The following RPL31 variants were observed in gnomAD, a reference collection of about 807,000 sequenced individuals.
RPL31 encodes the protein ribosomal protein L31.
For missense variants in RPL31, 95 were observed against 164.0 expected (o/e 0.58, Z 2.30); for synonymous variants, 51 against 55.0 (o/e 0.93, Z 0.32).
In RPL31 at chr2:101,006,735, A is replaced by C. The variant is rs141343330; in HGVS notation, c.*354A>C. On this transcript the variant is annotated 3_prime_UTR_variant, in exon 5 of 5. Coordinates refer to ENST00000264258, the MANE Select transcript of RPL31 (RefSeq NM_000993.5). ...CATTTTAGGAAACAACTTTAAAATGATATACTATCTATCTATCTATCTGTA... is the reference window on the plus strand; with the variant it reads ...CATTTTAGGAAACAACTTTAAAATGCTATACTATCTATCTATCTATCTGTA... The C allele has an allele frequency of 3.2e-4, 73 of 227,082 alleles. 1 individual carries two copies. Among genetic ancestry groups the C allele is most frequent in the Middle Eastern group, 2.9e-3 (2 of 694 alleles). The allele number at this position is 227,082 out of a possible 1,614,324, so 14.1% of individuals were successfully genotyped here.
downstream of RPL31, among the ~76,000 whole-genome samples, chr2:101,012,013 T>G (rs72821050): frequency 0.1 from 15,224 of 152,240 alleles, 912 homozygotes; most frequent in Non-Finnish European, 0.13. Flanking sequence ...CTTTTAAAAG[T>G]TGAAGAAAAG....
intron 4 of RPL31, among the ~76,000 whole-genome samples, chr2:101,012,546 T>TAAAG (rs1006768432): frequency 2.0e-5 from 3 of 151,448 alleles, no homozygotes; most frequent in Non-Finnish European, 2.9e-5. Context: ...TAGTGAGAGC[T>TAAAG]AAAGATATGA....
intron 4 of RPL31, among the ~76,000 whole-genome samples, chr2:101,016,988 A>G (rs1679696570): frequency 6.6e-6 from 1 of 152,028 alleles, no homozygotes; most frequent in Non-Finnish European, 1.5e-5. Flanking sequence ...TGACGAGTTA[A>G]TGGGTGCAGC....
downstream of RPL31, chr2:101,011,468 A>C: frequency 6.2e-7 from 1 of 1,613,936 alleles, no homozygotes; most frequent in South Asian, 1.1e-5. Flanking sequence ...TTTCCCGAAA[A>C]CCAGGGGTCT....
downstream of RPL31, chr2:101,007,887 CTGAT>C (rs1558961554): frequency 6.2e-7 from 1 of 1,613,986 alleles, no homozygotes; most frequent in Non-Finnish European, 8.5e-7. Flanking sequence ...TGAGATTGTA[CTGAT>C]TGATCTTGGC....
downstream of RPL31, chr2:101,008,075 C>T (rs772586060): frequency 6.8e-6 from 11 of 1,613,956 alleles, no homozygotes; most frequent in Admixed American, 1.8e-4. Flanking sequence ...AAAACCGAGT[C>T]CTCAGGAGAA....
downstream of RPL31, chr2:101,010,918 A>G (rs770057771): frequency 6.2e-7 from 1 of 1,606,718 alleles, no homozygotes; most frequent in Admixed American, 1.7e-5. Context: ...TGCACTGAAG[A>G]AAGTCCATAC....
intron 4 of RPL31, chr2:101,018,174 A>G (rs1679793642): frequency 5.0e-6 from 2 of 397,098 alleles, no homozygotes; most frequent in Non-Finnish European, 9.1e-6. Context: ...GTACTAATCT[A>G]TAATTATGTT....
chr2:101,017,951 T>A (rs1006500114), intron 4 of RPL31: 1 of 1,549,724 alleles, frequency 6.5e-7, no homozygotes, highest in African/African-American at 1.4e-5. Context: ...TCTTCTCTAC[T>A]TGGTGAAAAG....
Position 101,004,173 on chromosome 2 carries a change from T to G in RPL31, c.123T>G (p.Arg41=). 6.2e-7 allele frequency: 1 copy of G among 1,613,950 alleles called. No individual in the cohort carries two copies. The highest frequency in any genetic ancestry group is 8.5e-7 in the Non-Finnish European group (1 of 1,179,896). ...KRIHGVGFKK[R]APRALKEIRK... is the part of the protein sequence containing the mutation. The stretch of plus-strand genomic sequence containing the variant: ...TGAATCGTAGGGGCTTCAAGAAGCG[T>G]GCACCTCGGGCACTCAAAGAGATTC... Residue 41 remains arginine (R), a synonymous_variant, in exon 3 of 5, where the codon CGT becomes CGG. Transcript: ENST00000264258.
chr2:101,015,141 C>G (rs1051214107), intron 4 of RPL31, among the ~76,000 whole-genome samples: 2 of 152,168 alleles, frequency 1.3e-5, no homozygotes, highest in African/African-American at 4.8e-5. Context: ...ACCTGTACAG[C>G]ATGTTACTGT....
downstream of RPL31, among the ~76,000 whole-genome samples, chr2:101,010,631 T>TC (rs897776517): frequency 3.9e-5 from 6 of 151,938 alleles, no homozygotes; most frequent in African/African-American, 1.5e-4. Flanking sequence ...AAACCTGTAA[T>TC]CCCAGCACTT....
At chr2:101,017,192 A>AT (rs750602097) in intron 4 of RPL31, among the ~76,000 whole-genome samples, 11 of 152,120 alleles carry the variant, frequency 7.2e-5, no homozygotes, top group Non-Finnish European at 1.3e-4. Flanking sequence ...TTCATGGGCA[A>AT]TAACACACAC....
At chr2:101,004,305 G>C in intron 3 of RPL31, 22 bp downstream of exon 3, 1 of 1,612,492 alleles carries the variant, frequency 6.2e-7, no homozygotes, top group East Asian at 2.2e-5. Flanking sequence ...ATCTGTATTC[G>C]AAGGTGAACT....
downstream of RPL31, chr2:101,011,287 C>G: frequency 1.3e-6 from 1 of 756,138 alleles, no homozygotes; most frequent in Non-Finnish European, 2.1e-6. Flanking sequence ...GCAACACCCC[C>G]ACTAGGAGCA....
intron 4 of RPL31, chr2:101,017,863 TC>T: frequency 6.4e-7 from 1 of 1,550,906 alleles, no homozygotes; most frequent in Non-Finnish European, 8.7e-7. Flanking sequence ...AATTAGGTCT[TC>T]AAAACGATGA....
chr2:101,007,235 A>G lies in RPL31; in HGVS notation c.*854A>G, dbSNP rs1678786818. 6.6e-6 allele frequency: 1 copy of G among 152,524 alleles called. No individual in the cohort carries two copies. Among genetic ancestry groups the G allele is most frequent in the East Asian group, 1.9e-4 (1 of 5,190 alleles). The allele number at this position is 152,524 out of a possible 1,614,324, so 9.4% of individuals were successfully genotyped here. A position where few individuals can be genotyped will look rare whatever the true frequency, so the allele number is the denominator to read the frequency against. ...TAAAAGAAAAGGACCAAGTAAATAC[A>G]AAAAGTTTCTTATTAAAAAACTTGG... On this transcript the variant is annotated 3_prime_UTR_variant, in exon 5 of 5. Transcript: ENST00000264258.
At chr2:101,016,641 A>G (rs1679659435) in intron 4 of RPL31, among the ~76,000 whole-genome samples, 2 of 151,924 alleles carry the variant, frequency 1.3e-5, no homozygotes, top group South Asian at 2.1e-4. Context: ...TTATTGCGGC[A>G]CTATTCACAA....
downstream of RPL31, chr2:101,011,070 T>A: frequency 1.3e-6 from 2 of 1,580,748 alleles, no homozygotes; most frequent in Non-Finnish European, 1.7e-6. Flanking sequence ...TTAAATAAAT[T>A]CAGTGACAGC....
Sources: gnomAD v4.1 joint callset for allele counts (sites outside exome capture counted in the v4.1 genomes callset) on GRCh38, gnomAD v4.1.1 for gene constraint, MANE v1.5 for transcripts, NCBI Gene and HGNC (gene_info 2026-07-23, HGNC 2026-07-21) for gene names.